The following PDGFC variants were observed in gnomAD, a reference collection of about 807,000 sequenced individuals.
The protein encoded by PDGFC is platelet-derived growth factor C.
PDGFC carries 12 observed loss-of-function variants against 35.5 expected under a neutral mutation model. The observed-to-expected ratio is 0.34, with a 90% CI of 0.22 to 0.55. The LOEUF is 0.55. Ranked by LOEUF, PDGFC falls within the 20% of genes least tolerant of loss-of-function variation. The pLI, the probability that PDGFC is intolerant of heterozygous loss-of-function variation, is 0.91. For missense variants in PDGFC, 322 were observed against 412.4 expected (o/e 0.78, Z 1.90); for synonymous variants, 159 against 148.8 (o/e 1.07, Z -0.50).
chr4:156,911,340 GT>G (rs1035904432), intron 1 of PDGFC, among the ~76,000 whole-genome samples: 1 of 151,962 alleles, frequency 6.6e-6, no homozygotes, highest in African/African-American at 2.4e-5. Flanking sequence ...CATATGCTTA[GT>G]TTTTTTCTTT....
intron 2 of PDGFC, among the ~76,000 whole-genome samples, chr4:156,827,045 C>T (rs1728777164): frequency 6.6e-6 from 1 of 152,106 alleles, no homozygotes; most frequent in Admixed American, 6.5e-5. Context: ...CCTATAAATG[C>T]ATCTGGAAAA....
chr4:156,848,330 A>G (rs1729373995), intron 2 of PDGFC, among the ~76,000 whole-genome samples: 1 of 151,936 alleles, frequency 6.6e-6, no homozygotes, highest in South Asian at 2.1e-4. Context: ...GTATAAACTG[A>G]TAATTTTGAA....
At chr4:156,779,256 G>C (rs1478685780) in intron 3 of PDGFC, 1 of 442,892 alleles carries the variant, frequency 2.3e-6, no homozygotes, top group African/African-American at 2.0e-5. Context: ...AGTTATCTGG[G>C]TCATGTTTTT....
intron 2 of PDGFC, among the ~76,000 whole-genome samples, chr4:156,820,419 T>C (rs1732218515): frequency 6.6e-6 from 1 of 152,166 alleles, no homozygotes; most frequent in Non-Finnish European, 1.5e-5. Flanking sequence ...AGCACCACCA[T>C]GATCAGTCAG....
intron 1 of PDGFC, among the ~76,000 whole-genome samples, chr4:156,911,254 C>T (rs887790622): frequency 6.6e-6 from 1 of 152,086 alleles, no homozygotes; most frequent in Non-Finnish European, 1.5e-5. Flanking sequence ...AAATACTATG[C>T]TTTATTTGAA....
intron 1 of PDGFC, among the ~76,000 whole-genome samples, chr4:156,855,053 G>A (rs537347890): frequency 1.4e-4 from 22 of 151,940 alleles, no homozygotes; most frequent in Non-Finnish European, 2.9e-4. Context: ...AAAGAAGAGA[G>A]ACTAATAATG....
intron 2 of PDGFC, among the ~76,000 whole-genome samples, chr4:156,825,943 A>G (rs1732459916): frequency 6.6e-6 from 1 of 151,026 alleles, no homozygotes. Flanking sequence ...ATCATAGTTC[A>G]TTGCAACCTT....
chr4:156,773,925 C>T (rs1186147731), intron 3 of PDGFC, among the ~76,000 whole-genome samples: 2 of 152,138 alleles, frequency 1.3e-5, no homozygotes, highest in African/African-American at 4.8e-5. Flanking sequence ...AACACATCGG[C>T]TCTTCCTTTT....
Position 156,780,114 on chromosome 4 carries a change from T to G in PDGFC, c.496-7221A>C, listed in dbSNP as rs892932358. Among the ~76,000 whole-genome samples the G allele has an allele frequency of 5.3e-5, 8 of 151,518 alleles. No homozygotes were observed. The South Asian group carries it at 1.5e-3, about 28-fold the overall frequency. ...TGGGAAGCCAAAATTAAGGTTTTTT[T>G]TTTTTTTTTTTTTTACTAAAATTTG... On this transcript the variant is annotated intron_variant, in intron 3 of 5. Transcript: ENST00000502773.
intron 2 of PDGFC, among the ~76,000 whole-genome samples, chr4:156,840,076 A>T (rs1729160897): frequency 2.0e-5 from 3 of 152,258 alleles, no homozygotes; most frequent in Non-Finnish European, 2.9e-5. Context: ...CTTTCTGAAG[A>T]GAAATTCAAG....
intron 1 of PDGFC, among the ~76,000 whole-genome samples, chr4:156,970,315 T>C (rs1325714325): frequency 6.6e-6 from 1 of 152,172 alleles, no homozygotes; most frequent in Non-Finnish European, 1.5e-5. Flanking sequence ...GACCTCTATA[T>C]TTCCTATCTA....
chr4:156,922,945 T>C (rs746154659), intron 1 of PDGFC, among the ~76,000 whole-genome samples: 13 of 152,192 alleles, frequency 8.5e-5, no homozygotes, highest in Non-Finnish European at 1.9e-4. Flanking sequence ...TCACCTTCTC[T>C]TCCTAAATTA....
At chr4:156,838,411 A>T (rs1217343716) in intron 2 of PDGFC, among the ~76,000 whole-genome samples, 3 of 152,232 alleles carry the variant, frequency 2.0e-5, no homozygotes, top group Non-Finnish European at 2.9e-5. Context: ...GGTCCAAACC[A>T]GGCCAATCAC....
chr4:156,771,860 T>A (rs1188469534), intron 4 of PDGFC, among the ~76,000 whole-genome samples: 1 of 152,198 alleles, frequency 6.6e-6, no homozygotes, highest in Non-Finnish European at 1.5e-5. Flanking sequence ...ACAGATATTT[T>A]GAGTGCATTG....
chr4:156,954,536 C>T (rs1166910440), intron 1 of PDGFC, among the ~76,000 whole-genome samples: 2 of 151,882 alleles, frequency 1.3e-5, no homozygotes, highest in African/African-American at 2.4e-5. Flanking sequence ...AATGAACTTG[C>T]GATGGTCATG....
chr4:156,932,049 G>A (rs970482679), intron 1 of PDGFC, among the ~76,000 whole-genome samples: 5 of 152,150 alleles, frequency 3.3e-5, no homozygotes, highest in African/African-American at 1.2e-4. Flanking sequence ...AAAGAGGTAA[G>A]AGATGGATAT....
chr4:156,825,463 T>C (rs572699061), intron 2 of PDGFC, among the ~76,000 whole-genome samples: 96 of 149,762 alleles, frequency 6.4e-4, no homozygotes, highest in African/African-American at 2.2e-3. Context: ...GGTGGGAGGA[T>C]CACTTGAGAA....
rs1334057586 is a variant in PDGFC at position 156,821,626 on chromosome 4, C to A, written c.315-10609G>T. On this transcript the variant is annotated intron_variant, in intron 2 of 5. Coordinates refer to ENST00000502773, the MANE Select transcript of PDGFC (RefSeq NM_016205.3). ...GCAGTGGTATGATCTTGGCTCACTGCAATCTCTGCCTCCTGGCTTCAAGCG... is the reference window on the plus strand; with the variant it reads ...GCAGTGGTATGATCTTGGCTCACTGAAATCTCTGCCTCCTGGCTTCAAGCG... Among the ~76,000 whole-genome samples, 5 of 152,298 alleles carry A rather than the reference C, an allele frequency of 3.3e-5. No individual in the cohort carries two copies. The South Asian group carries it at 8.3e-4, about 25-fold the overall frequency.
intron 5 of PDGFC, among the ~76,000 whole-genome samples, chr4:156,764,676 C>T (rs1439100894): frequency 2.0e-5 from 3 of 152,178 alleles, no homozygotes; most frequent in African/African-American, 4.8e-5. Flanking sequence ...ATAAAAATTA[C>T]TTTGACTTTA....
Sources: gnomAD v4.1 joint callset for allele counts (sites outside exome capture counted in the v4.1 genomes callset) on GRCh38, gnomAD v4.1.1 for gene constraint, MANE v1.5 for transcripts, NCBI Gene and HGNC (gene_info 2026-07-23, HGNC 2026-07-21) for gene names.